Variants in VCAN observed in about 807,000 individuals in gnomAD.
The protein encoded by VCAN is versican.
In VCAN, 44 loss-of-function variants were observed where a neutral mutation model predicts 245.5. The ratio of observed to expected loss-of-function variants is 0.18; its 90% CI spans 0.14 to 0.23. The LOEUF (loss-of-function observed/expected upper bound fraction) is 0.23, where lower values mean the gene tolerates loss of function less well. VCAN is among the 10% of genes least tolerant of loss of function. The probability of loss-of-function intolerance (pLI) is 1.00; values close to 1 mark genes in which losing one functional copy is unlikely to be tolerated. For synonymous variants in VCAN, 1,413 were observed against 1,437.0 expected (o/e 0.98, Z 0.38); for missense variants, 3,793 against 4,057.9 (o/e 0.93, Z 1.77).
Position 83,542,194 on chromosome 5 carries a change from A to G in VCAN, c.9191A>G (p.Glu3064Gly). ...EVATPPFSLL[E>G]TSNETDFLIG... is the part of the protein sequence containing the mutation. ...GCAACACCACCATTTTCCCTTCTGG[A>G]GACTTCTAATGAAACAGATTTCCTG... The change falls in exon 8 of 15, where the codon GAG (glutamate) becomes GGG (glycine). Residue 3064 changes from glutamate to glycine, a missense_variant. By Grantham distance (98) the Glu-to-Gly change is moderately conservative. Transcript: ENST00000265077. The G allele has an allele frequency of 1.2e-6, 2 of 1,614,118 alleles. No individual in the cohort carries two copies. Among genetic ancestry groups the G allele is most frequent in the Non-Finnish European group, 1.7e-6 (2 of 1,179,972 alleles).
chr5:83,533,566 T>A (rs149529), intron 7 of VCAN, among the ~76,000 whole-genome samples: 26,742 of 152,038 alleles, frequency 0.18, 2,934 homozygotes, highest in South Asian at 0.33. Flanking sequence ...TATTACATTC[T>A]GGGCAGCATG....
intron 13 of VCAN, among the ~76,000 whole-genome samples, chr5:83,575,737 G>C (rs1219911394): frequency 6.6e-6 from 1 of 152,130 alleles, no homozygotes; most frequent in Non-Finnish European, 1.5e-5. Flanking sequence ...TATGTCTCCA[G>C]AAGAGGCAAA....
intron 1 of VCAN, among the ~76,000 whole-genome samples, chr5:83,482,668 C>T (rs888896037): frequency 1.3e-5 from 2 of 152,194 alleles, no homozygotes; most frequent in African/African-American, 4.8e-5. Flanking sequence ...GGTTCTTCTC[C>T]TCCTCATCAT....
rs1172510283 is a variant in VCAN, at chr5:83,521,013, G to A, written c.2707G>A (p.Glu903Lys). ...EKSTLRDSTT[E>K]EKVPPITSTE... ...GTCAACTTTGAGAGATTCTACAACT[G>A]AAGAAAAAGTTCCACCTATCACAAG... The change falls in exon 7 of 15, where the codon GAA becomes AAA. Residue 903 changes from glutamate to lysine, a missense_variant. Glu to Lys is a moderately conservative substitution (Grantham distance 56). Around this residue, in one of 5 missense-constraint regions of VCAN, gnomAD observed 3,182 missense variants for 3,250.3 expected, o/e 0.98. Coordinates refer to ENST00000265077, the MANE Select transcript of VCAN (RefSeq NM_004385.5). The A allele has an allele frequency of 1.2e-6, 2 of 1,613,506 alleles. No individual in the cohort carries two copies. Among genetic ancestry groups the A allele is most frequent in the Admixed American group, 1.7e-5 (1 of 59,914 alleles).
intron 12 of VCAN, among the ~76,000 whole-genome samples, chr5:83,571,996 TATC>T (rs1356047112): frequency 6.6e-6 from 1 of 152,152 alleles, no homozygotes; most frequent in Non-Finnish European, 1.5e-5. Flanking sequence ...TCGATTGAGG[TATC>T]ATCACAATTA....
At chr5:83,497,634 A>T (rs1745200607) in intron 5 of VCAN, among the ~76,000 whole-genome samples, 1 of 152,214 alleles carries the variant, frequency 6.6e-6, no homozygotes, top group Non-Finnish European at 1.5e-5. Context: ...AAATTTTAAA[A>T]TGGGAATCTA....
At chr5:83,565,432 T>TGA (rs5869185) in intron 12 of VCAN, among the ~76,000 whole-genome samples, 1 of 150,926 alleles carries the variant, frequency 6.6e-6, no homozygotes, top group Non-Finnish European at 1.5e-5. Context: ...TGTGTATGTG[T>TGA]GAGAGAGAGA....
chr5:83,527,814 C>T (rs547086754), intron 7 of VCAN, among the ~76,000 whole-genome samples: 3 of 152,278 alleles, frequency 2.0e-5, no homozygotes, highest in African/African-American at 7.2e-5. Flanking sequence ...ACTTTGATAA[C>T]TAAAAGGAAC....
Position 83,537,192 on chromosome 5 carries a change from G to A in VCAN, c.4189G>A (p.Ala1397Thr). The A allele has an allele frequency of 1.2e-6, 2 of 1,613,730 alleles. No homozygotes were observed. Among genetic ancestry groups the A allele is most frequent in the Non-Finnish European group, 1.7e-6 (2 of 1,179,912 alleles). ...AAATGAAGAAGAAGAAGAAGAGTGTGCAAATGCTACTGATGTGACAACCAC... is the reference window on the plus strand; with the variant it reads ...AAATGAAGAAGAAGAAGAAGAGTGTACAAATGCTACTGATGTGACAACCAC... ...EENEEEEEECANATDVTTTPS... is the reference protein window; with the variant it reads ...EENEEEEEECTNATDVTTTPS... Residue 1397 changes from alanine to threonine, a missense_variant, in exon 8 of 15, where the codon GCA becomes ACA. By Grantham distance (58) the Ala-to-Thr change is moderately conservative. Coordinates refer to ENST00000265077, the MANE Select transcript of VCAN (RefSeq NM_004385.5).
In VCAN at chr5:83,519,589, G is replaced by A. The variant is rs2287926; in HGVS notation, c.1283G>A (p.Gly428Asp). Residue 428 changes from glycine (G) to aspartate (D), a missense_variant, in exon 7 of 15, where the codon GGC becomes GAC. Gly to Asp is a moderately conservative substitution (Grantham distance 94). Around this residue, in one of 5 missense-constraint regions of VCAN, gnomAD observed 3,182 missense variants for 3,250.3 expected, o/e 0.98. Coordinates refer to ENST00000265077, the MANE Select transcript of VCAN (RefSeq NM_004385.5). ...GCCACCAAATTACCCACACCTACTGGCAGTACCAAGAAGCCCTGGGATATG... is the reference window on the plus strand; with the variant it reads ...GCCACCAAATTACCCACACCTACTGACAGTACCAAGAAGCCCTGGGATATG... ...SLATKLPTPT[G>D]STKKPWDMDD... is the part of the protein sequence containing the mutation. 0.13 allele frequency: 215,934 copies of A among 1,613,872 alleles called. 16,434 individuals carry two copies. Among genetic ancestry groups the A allele is most frequent in the African/African-American group, 0.28 (21,086 of 74,932 alleles).
Position 83,522,176 on chromosome 5 carries a change from A to C in VCAN, c.3870A>C (p.Pro1290=), listed in dbSNP as rs1181471182. The C allele has an allele frequency of 6.2e-7, 1 of 1,608,852 alleles. No homozygotes were observed. Among genetic ancestry groups the C allele is most frequent in the Non-Finnish European group, 8.5e-7 (1 of 1,179,990 alleles). ...CTTCAAGTCCTCCTGCTACACAGCC[A>C]ACAAGACCACCCACTGTGGAAGACA... is the stretch of plus-strand genomic sequence containing the variant. The part of the protein sequence containing the change: ...FTTSSPPATQ[P]TRPPTVEDKE... Residue 1290 remains proline (P), a synonymous_variant, in exon 7 of 15, where the codon CCA becomes CCC. Transcript: ENST00000265077.
intron 5 of VCAN, among the ~76,000 whole-genome samples, chr5:83,507,535 TGA>T (rs1315254685): frequency 6.6e-6 from 1 of 152,242 alleles, no homozygotes; most frequent in African/African-American, 2.4e-5. Context: ...TAAATCATGT[TGA>T]GAGAGAGCAA....
intron 9 of VCAN, among the ~76,000 whole-genome samples, chr5:83,547,033 A>G (rs139071655): frequency 6.5e-4 from 99 of 152,302 alleles, no homozygotes; most frequent in African/African-American, 2.4e-3. Flanking sequence ...GGAGGGAGAT[A>G]TGGACACAAC....
intron 8 of VCAN, among the ~76,000 whole-genome samples, chr5:83,544,440 T>C (rs309556): frequency 0.072 from 10,950 of 152,288 alleles, 618 homozygotes; most frequent in South Asian, 0.28. Flanking sequence ...TTATCTTTTA[T>C]AGCAGTACCT....
At position 83,517,450 on chromosome 5, in the gene VCAN, GTATT is replaced by G. The variant is rs111928023; in HGVS notation, c.1043-1895_1043-1892del. On this transcript the variant is annotated intron_variant, in intron 6 of 14. Coordinates refer to ENST00000265077, the MANE Select transcript of VCAN (RefSeq NM_004385.5). The stretch of plus-strand genomic sequence containing the variant: ...TTTTCTCTAATATGCTGTTTGCTAA[GTATT>G]TATATTATGTTTCCATGGGAACTTT... 1.9e-3 allele frequency among the ~76,000 whole-genome samples: 296 copies of G among 152,204 alleles called. 1 individual carries two copies. The highest frequency in any genetic ancestry group is 6.9e-3 in the African/African-American group (285 of 41,538).
At chr5:83,556,862 C>A (rs1216974636) in intron 12 of VCAN, among the ~76,000 whole-genome samples, 2 of 152,232 alleles carry the variant, frequency 1.3e-5, no homozygotes, top group East Asian at 3.9e-4. Context: ...ACAGTGAATG[C>A]ATTTAATGAG....
At chr5:83,575,382 A>G (rs768984135) in intron 13 of VCAN, among the ~76,000 whole-genome samples, 8 of 152,188 alleles carry the variant, frequency 5.3e-5, no homozygotes, top group Non-Finnish European at 8.8e-5. Context: ...TAGCAAATCA[A>G]GTATTTTCTA....
In VCAN at chr5:83,520,150, A is replaced by G. The variant is rs1746024055; in HGVS notation, c.1844A>G (p.Asn615Ser). ...TVSPLIMPDN[N>S]GSSMDDWEER... ...TCCCCTTTAATTATGCCTGATAATA[A>G]TGGATCATCCATGGATGACTGGGAA... Residue 615 changes from asparagine (N) to serine (S), a missense_variant, in exon 7 of 15, where the codon AAT becomes AGT. Asn to Ser is a conservative substitution (Grantham distance 46). Transcript: ENST00000265077. 1.2e-6 allele frequency: 2 copies of G among 1,614,084 alleles called. No individual in the cohort carries two copies. The highest frequency in any genetic ancestry group is 4.5e-5 in the East Asian group (2 of 44,866).
Position 83,542,245 on chromosome 5 carries a change from A to G in VCAN, c.9242A>G (p.Glu3081Gly). ...ATTGGCATTAATGAAGAGTCAGTGG[A>G]AGGCACGGCAATCTATTTACCAGGT... ...FLIGINEESV[E>G]GTAIYLPGPD... The change falls in exon 8 of 15, where the codon GAA (glutamate) becomes GGA (glycine). Residue 3081 changes from glutamate to glycine, a missense_variant. Glu to Gly is a moderately conservative substitution (Grantham distance 98). Transcript: ENST00000265077. 1 of 1,613,482 alleles carries G rather than the reference A, an allele frequency of 6.2e-7. No homozygotes were observed. The highest frequency in any genetic ancestry group is 1.1e-5 in the South Asian group (1 of 91,084).
Sources: gnomAD v4.1 joint callset for allele counts (sites outside exome capture counted in the v4.1 genomes callset) on GRCh38, gnomAD v4.1.1 for gene constraint, gnomAD v4.1.1 regional missense constraint, MANE v1.5 for transcripts, NCBI Gene and HGNC (gene_info 2026-07-23, HGNC 2026-07-21) for gene names.